Variants in ADCY8 observed in about 807,000 individuals in gnomAD.
ADCY8 encodes the protein adenylate cyclase 8.
ADCY8 carries 51 observed loss-of-function variants against 119.7 expected under a neutral mutation model. That is an observed-to-expected ratio of 0.43 (90% CI 0.34 to 0.54). The LOEUF (loss-of-function observed/expected upper bound fraction) is 0.54, where lower values mean the gene tolerates loss of function less well. Among genes scored for constraint, ADCY8 ranks in the 20% least tolerant of loss-of-function variants. The pLI is 0.03. For synonymous variants in ADCY8, 665 were observed against 651.0 expected (o/e 1.02, Z -0.33); for missense variants, 1,383 against 1,598.8 (o/e 0.87, Z 2.30).
Position 130,780,895 on chromosome 8 carries a change from G to T in ADCY8, c.3269-18C>A. Reference sequence around the variant, plus strand: ...GCTGATGCCTGGGGGGTGAAGCAAAGGAGCAAGAAGTCAGAGGGAGAAGGG... The same window carrying T: ...GCTGATGCCTGGGGGGTGAAGCAAATGAGCAAGAAGTCAGAGGGAGAAGGG... On this transcript the variant is annotated intron_variant, in intron 17 of 17. Transcript: ENST00000286355. The T allele has an allele frequency of 4.3e-6, 7 of 1,610,004 alleles. No individual in the cohort carries two copies. Among genetic ancestry groups the T allele is most frequent in the Non-Finnish European group, 5.9e-6 (7 of 1,176,942 alleles).
chr8:130,844,542 G>A (rs530165172), intron 11 of ADCY8, among the ~76,000 whole-genome samples: 9 of 152,290 alleles, frequency 5.9e-5, no homozygotes, highest in Non-Finnish European at 1.3e-4. Flanking sequence ...AAGATGAAGC[G>A]ATTTGCTTGG....
chr8:130,984,460 A>C (rs189297629), intron 2 of ADCY8, among the ~76,000 whole-genome samples: 2,299 of 150,616 alleles, frequency 0.015, 31 homozygotes, highest in Middle Eastern at 0.02. Context: ...TGCCCTGCAG[A>C]GCTCAGTAAG....
intron 2 of ADCY8, among the ~76,000 whole-genome samples, chr8:130,978,175 C>A (rs1248738661): frequency 6.6e-6 from 1 of 152,078 alleles, no homozygotes; most frequent in Non-Finnish European, 1.5e-5. Flanking sequence ...CTTGCATATT[C>A]CAAAGAGATT....
intron 9 of ADCY8, among the ~76,000 whole-genome samples, chr8:130,863,404 T>C (rs182304899): frequency 6.7e-6 from 1 of 150,190 alleles, no homozygotes; most frequent in Non-Finnish European, 1.5e-5. Flanking sequence ...TTTTTTTTTT[T>C]ATCTACTCTG....
chr8:131,004,252 A>G (rs1563763857), intron 1 of ADCY8, among the ~76,000 whole-genome samples: 1 of 152,154 alleles, frequency 6.6e-6, no homozygotes, highest in Non-Finnish European at 1.5e-5. Context: ...ACAGTGTAGC[A>G]TACAGGTTGC....
intron 12 of ADCY8, among the ~76,000 whole-genome samples, chr8:130,825,612 G>A (rs533835752): frequency 8.5e-5 from 13 of 152,214 alleles, no homozygotes; most frequent in African/African-American, 3.1e-4. Flanking sequence ...TTTAAGGCTG[G>A]GCCTAGAGAA....
chr8:130,861,152 T>A (rs1030122463), intron 9 of ADCY8, among the ~76,000 whole-genome samples: 1 of 152,210 alleles, frequency 6.6e-6, no homozygotes, highest in Non-Finnish European at 1.5e-5. Flanking sequence ...GCTTTGTTGT[T>A]ATTCTTTTAT....
intron 4 of ADCY8, among the ~76,000 whole-genome samples, chr8:130,937,502 T>C (rs917726167): frequency 3.3e-5 from 5 of 152,182 alleles, no homozygotes; most frequent in African/African-American, 1.2e-4. Flanking sequence ...TGTCACTTGG[T>C]CAGGCCTGAC....
At chr8:130,821,150 A>G (rs1816496107) in intron 13 of ADCY8, among the ~76,000 whole-genome samples, 192 bp downstream of exon 13, 1 of 152,192 alleles carries the variant, frequency 6.6e-6, no homozygotes, top group Admixed American at 6.5e-5. Flanking sequence ...AGGTCATTAA[A>G]ACCACATTGT....
chr8:130,858,306 T>C (rs890742296), intron 9 of ADCY8, among the ~76,000 whole-genome samples: 6 of 152,238 alleles, frequency 3.9e-5, no homozygotes, highest in African/African-American at 1.4e-4. Flanking sequence ...TCATCTTCCA[T>C]TTAGTTGTTA....
chr8:130,895,038 C>A (rs755513853), intron 7 of ADCY8, among the ~76,000 whole-genome samples: 8 of 152,094 alleles, frequency 5.3e-5, no homozygotes, highest in Non-Finnish European at 1.2e-4. Context: ...CAGTCCTTGG[C>A]AAAGTGAACA....
At position 131,040,321 on chromosome 8, in the gene ADCY8, C is replaced by A. The variant is rs566810608; in HGVS notation, c.13G>T (p.Asp5Tyr). ...TCGCTGCCTGTAAGGCAGCGCACAT[C>A]GGAGAGCTCCATGGCTCTGGGCCGC... Reference protein sequence around the residue: MELSDVRCLTGSEEL... With the variant: MELSYVRCLTGSEEL... Residue 5 changes from aspartate to tyrosine, a missense_variant, in exon 1 of 18, where the codon GAT becomes TAT. By Grantham distance (160) the Asp-to-Tyr change is radical. Coordinates refer to ENST00000286355, the MANE Select transcript of ADCY8 (RefSeq NM_001115.3). 1 of 1,528,862 alleles carries A rather than the reference C, an allele frequency of 6.5e-7. No individual in the cohort carries two copies. The highest frequency in any genetic ancestry group is 1.2e-5 in the South Asian group (1 of 82,292). The allele number at this position is 1,528,862 out of a possible 1,614,324, so 94.7% of individuals were successfully genotyped here.
chr8:130,921,563 C>T (rs929221286), intron 5 of ADCY8, among the ~76,000 whole-genome samples: 2 of 151,028 alleles, frequency 1.3e-5, no homozygotes, highest in African/African-American at 2.4e-5. Flanking sequence ...CAGCAATTCT[C>T]CTGCCTCAGC....
chr8:130,862,395 T>G (rs1442876420), intron 9 of ADCY8, among the ~76,000 whole-genome samples: 1 of 152,136 alleles, frequency 6.6e-6, no homozygotes, highest in Non-Finnish European at 1.5e-5. Context: ...TGTTTTCATT[T>G]TCATTTAGTT....
chr8:131,023,765 A>G (rs1482778179), intron 1 of ADCY8, among the ~76,000 whole-genome samples: 1 of 152,194 alleles, frequency 6.6e-6, no homozygotes, highest in Admixed American at 6.5e-5. Context: ...AAGGAGATCA[A>G]TTTTATTAAC....
chr8:130,843,792 C>A (rs1817217468), intron 11 of ADCY8, among the ~76,000 whole-genome samples: 1 of 152,090 alleles, frequency 6.6e-6, no homozygotes, highest in Non-Finnish European at 1.5e-5. Context: ...ATCTTCACTC[C>A]TTACGTCAAT....
chr8:130,904,178 C>A, intron 6 of ADCY8, 136 bp from the exon 7 acceptor site: 1 of 877,172 alleles, frequency 1.1e-6, no homozygotes, highest in South Asian at 1.8e-5. Flanking sequence ...CAATACTTGT[C>A]TTCCTAAAAA....
intron 7 of ADCY8, among the ~76,000 whole-genome samples, chr8:130,903,543 G>A (rs1421298410): frequency 6.0e-5 from 8 of 133,050 alleles, no homozygotes; most frequent in Admixed American, 2.4e-4. Context: ...AAAAAAAAAA[G>A]AGAGAGAGAG....
intron 9 of ADCY8, among the ~76,000 whole-genome samples, chr8:130,863,337 AACTTATTTG>A (rs1426357366): frequency 6.7e-6 from 1 of 149,334 alleles, no homozygotes. Context: ...TCATTTCTTT[AACTTATTTG>A]AGTCTATACC....
Sources: allele counts gnomAD v4.1 joint callset (sites outside exome capture counted in the v4.1 genomes callset), GRCh38; gene constraint gnomAD v4.1.1; transcripts MANE v1.5; gene names NCBI Gene and HGNC (gene_info 2026-07-23, HGNC 2026-07-21).